The following ITPK1 variants were observed in gnomAD, a reference collection of about 807,000 sequenced individuals.
ITPK1 encodes inositol-tetrakisphosphate 1-kinase, also known as inositol 1,3,4-trisphosphate 5/6-kinase.
ITPK1 carries 21 observed loss-of-function variants against 45.3 expected under a neutral mutation model. The ratio of observed to expected loss-of-function variants is 0.46; its 90% CI spans 0.33 to 0.67. The LOEUF (loss-of-function observed/expected upper bound fraction) is 0.67. ITPK1 is among the 30% of genes least tolerant of loss of function. The probability of loss-of-function intolerance (pLI) is 0.02; values close to 1 mark genes in which losing one functional copy is unlikely to be tolerated. For synonymous variants in ITPK1, 258 were observed against 253.6 expected, an observed-to-expected ratio of 1.02 and a Z score of -0.16; for missense variants, 474 against 573.5, an observed-to-expected ratio of 0.83 and a Z score of 1.77.
intron 8 of ITPK1, among the ~76,000 whole-genome samples, chr14:92,952,841 G>A (rs1450922842): frequency 6.6e-6 from 1 of 152,188 alleles, no homozygotes; most frequent in Non-Finnish European, 1.5e-5. Flanking sequence ...AAACACGCTT[G>A]TAGGCACTGG....
Position 92,952,024 on chromosome 14 carries a change from G to C in ITPK1, c.671-11C>G. On this transcript the variant is annotated splice_polypyrimidine_tract_variant and intron_variant, in intron 8 of 10. Transcript: ENST00000267615. ...AGATGGACTCACGGTCTGAAAAAGCGACAGGAAGGAGCCGGCGTTAGAACC... is the reference window on the plus strand; with the variant it reads ...AGATGGACTCACGGTCTGAAAAAGCCACAGGAAGGAGCCGGCGTTAGAACC... 1 of 1,562,172 alleles carries C rather than the reference G, an allele frequency of 6.4e-7. No homozygotes were observed. Among genetic ancestry groups the C allele is most frequent in the Non-Finnish European group, 8.7e-7 (1 of 1,152,356 alleles).
In ITPK1 at chr14:92,941,268, C is replaced by T. The variant is rs1251071076; in HGVS notation, c.*293G>A. On this transcript the variant is annotated 3_prime_UTR_variant, in exon 11 of 11. Transcript: ENST00000267615. The stretch of plus-strand genomic sequence containing the variant: ...TGGCAGCCATACGCACACCCCTCAC[C>T]TCCCATCCAGACCTAGTGTTGCAAA... 15 of 1,377,616 alleles carry T rather than the reference C, an allele frequency of 1.1e-5. No homozygotes were observed. The highest frequency in any genetic ancestry group is 1.4e-5 in the Non-Finnish European group (15 of 1,068,548). The allele number at this position is 1,377,616 out of a possible 1,614,324, so 85.3% of individuals were successfully genotyped here. A position where few individuals can be genotyped will look rare whatever the true frequency, so the allele number is the denominator to read the frequency against.
Position 93,115,177 on chromosome 14 carries a change from C to A in ITPK1, c.-14G>T, listed in dbSNP as rs1466087116. On this transcript the variant is annotated 5_prime_UTR_variant, in exon 2 of 11. Coordinates refer to ENST00000267615, the MANE Select transcript of ITPK1 (RefSeq NM_014216.6). ...AAAGGTCTGCATCTTCCTCCTCGGGCGGGGAGCCTGGGTCCGGAGGAAATC... is the reference window on the plus strand; with the variant it reads ...AAAGGTCTGCATCTTCCTCCTCGGGAGGGGAGCCTGGGTCCGGAGGAAATC... 1.3e-6 allele frequency: 2 copies of A among 1,586,448 alleles called. No individual in the cohort carries two copies. The highest frequency in any genetic ancestry group is 1.7e-6 in the Non-Finnish European group (2 of 1,161,462).
rs117281503 is a variant in ITPK1 at position 93,012,680 on chromosome 14, G to A, written c.246+3996C>T. 5.9e-5 allele frequency among the ~76,000 whole-genome samples: 9 copies of A among 152,184 alleles called. No homozygotes were observed. Among genetic ancestry groups the A allele is most frequent in the Non-Finnish European group, 1.2e-4 (8 of 68,030 alleles). On this transcript the variant is annotated intron_variant, in intron 4 of 10. Transcript: ENST00000267615. The surrounding 1 kb of genome is among the most constrained non-coding windows in gnomAD (Gnocchi z 4.9). ...GGGCAGGGCACCCAGCAGTGCTGCC[G>A]CAGAGGACACTCTCCTAGCAGTCTG...
intron 4 of ITPK1, chr14:92,998,766 T>C (rs1887186902): frequency 6.6e-6 from 1 of 152,136 alleles, no homozygotes; most frequent in African/African-American, 2.4e-5. Flanking sequence ...ACACCAATAC[T>C]ATCTTTCAAG....
chr14:92,957,528 C>G (rs985273130), intron 8 of ITPK1, among the ~76,000 whole-genome samples: 1 of 152,210 alleles, frequency 6.6e-6, no homozygotes, highest in African/African-American at 2.4e-5. Flanking sequence ...CAGTGGGGTC[C>G]ACAGGCTGCT....
At chr14:93,031,528 C>T (rs1889062286) in intron 3 of ITPK1, among the ~76,000 whole-genome samples, 1 of 152,184 alleles carries the variant, frequency 6.6e-6, no homozygotes, top group African/African-American at 2.4e-5. Context: ...GCTTCGAAGA[C>T]AGCAGCGGGC....
intron 3 of ITPK1, among the ~76,000 whole-genome samples, chr14:93,048,012 A>G (rs1889854370): frequency 1.3e-5 from 2 of 152,256 alleles, no homozygotes; most frequent in Non-Finnish European, 2.9e-5. Flanking sequence ...ACCTTCTGAG[A>G]CATTCAGGCC....
At chr14:93,088,096 GT>G (rs1891718867) in intron 2 of ITPK1, among the ~76,000 whole-genome samples, 1 of 152,212 alleles carries the variant, frequency 6.6e-6, no homozygotes, top group South Asian at 2.1e-4. Context: ...AGACTCTCCA[GT>G]TTCAGAGAGG....
chr14:92,952,180 T>C (rs1055250318), intron 8 of ITPK1, among the ~76,000 whole-genome samples, 167 bp from the exon 9 acceptor site: 1 of 152,248 alleles, frequency 6.6e-6, no homozygotes, highest in African/African-American at 2.4e-5. Context: ...GGCACGGATG[T>C]GTGCCCCATC....
intron 10 of ITPK1, among the ~76,000 whole-genome samples, chr14:92,945,989 G>A (rs945313073): frequency 6.6e-6 from 1 of 152,234 alleles, no homozygotes; most frequent in Non-Finnish European, 1.5e-5. Flanking sequence ...GCAGGGGGCT[G>A]TAATCCCTTC....
chr14:93,081,784 C>A (rs148347238), intron 2 of ITPK1, among the ~76,000 whole-genome samples: 2 of 152,148 alleles, frequency 1.3e-5, no homozygotes, highest in Admixed American at 6.6e-5. Flanking sequence ...TCTCAGGGGG[C>A]GGGGGCTGAG....
At chr14:92,942,091 C>A (rs551864589) in intron 10 of ITPK1, among the ~76,000 whole-genome samples, 187 bp from the exon 11 acceptor site, 10 of 152,158 alleles carry the variant, frequency 6.6e-5, no homozygotes, top group Non-Finnish European at 1.3e-4. Context: ...AAAGCTTGGA[C>A]GCCCAACCAG....
chr14:93,111,109 C>A (rs1892733370), intron 2 of ITPK1, among the ~76,000 whole-genome samples: 1 of 152,154 alleles, frequency 6.6e-6, no homozygotes, highest in Non-Finnish European at 1.5e-5. Context: ...GGAAGCACTT[C>A]ATTAAAAATC....
At chr14:93,084,991 C>T (rs559190183) in intron 2 of ITPK1, among the ~76,000 whole-genome samples, 1 of 152,336 alleles carries the variant, frequency 6.6e-6, no homozygotes, top group African/African-American at 2.4e-5. Flanking sequence ...ATTTCAGCAT[C>T]CCTGTGCCCC....
rs1000027459 is a variant in ITPK1 at position 92,994,963 on chromosome 14, G to C, written c.247-966C>G. Among the ~76,000 whole-genome samples, 4 of 152,330 alleles carry C rather than the reference G, an allele frequency of 2.6e-5. No homozygotes were observed. The East Asian group carries it at 7.7e-4, about 29-fold the overall frequency. On this transcript the variant is annotated intron_variant, in intron 4 of 10. Transcript: ENST00000267615. ...TGAATCCCCTGGCTGGATTTCTTAG[G>C]AGAGAAATCTGAACACAGACGCAGG...
chr14:93,105,681 C>G (rs969925980), intron 2 of ITPK1, among the ~76,000 whole-genome samples: 1 of 150,700 alleles, frequency 6.6e-6, no homozygotes, highest in Non-Finnish European at 1.5e-5. Context: ...CCCACCACCA[C>G]GCCTGGCTAA....
intron 3 of ITPK1, among the ~76,000 whole-genome samples, chr14:93,028,819 T>C (rs1779589567): frequency 6.6e-6 from 1 of 152,224 alleles, no homozygotes; most frequent in Non-Finnish European, 1.5e-5. Context: ...CCAGGCACGA[T>C]GATGGGGCTG....
chr14:93,041,947 C>A (rs1477271552), intron 3 of ITPK1, among the ~76,000 whole-genome samples: 1 of 152,144 alleles, frequency 6.6e-6, no homozygotes, highest in African/African-American at 2.4e-5. Flanking sequence ...GTAGCAAGGA[C>A]CCTATCTCAC....
Sources: allele counts gnomAD v4.1 joint callset (sites outside exome capture counted in the v4.1 genomes callset), GRCh38; gene constraint gnomAD v4.1.1; non-coding constraint Gnocchi (gnomAD v3.1); transcripts MANE v1.5; gene names NCBI Gene and HGNC (gene_info 2026-07-23, HGNC 2026-07-21).